SHOC1: variants seen among roughly 807,000 people sequenced by gnomAD.
SHOC1 encodes the protein protein shortage in chiasmata 1 ortholog.
In SHOC1, 136 loss-of-function variants were observed where a neutral mutation model predicts 179.2. The ratio of observed to expected loss-of-function variants is 0.76; its 90% CI spans 0.66 to 0.87. SHOC1 has a LOEUF of 0.87. Ranked by LOEUF, SHOC1 falls within the 40% of genes least tolerant of loss-of-function variation. The pLI is 0.00. For synonymous variants in SHOC1, 489 were observed against 586.6 expected, an observed-to-expected ratio of 0.83 and a Z score of 2.41; for missense variants, 1,538 against 1,700.8, an observed-to-expected ratio of 0.90 and a Z score of 1.68.
At chr9:111,784,940 TG>T (rs1444261172) in intron 3 of SHOC1, among the ~76,000 whole-genome samples, 3 of 152,088 alleles carry the variant, frequency 2.0e-5, no homozygotes, top group Admixed American at 2.0e-4. Context: ...AATATAAATT[TG>T]GGGGGACACA....
At chr9:111,707,809 G>T in intron 19 of SHOC1, 46 bp downstream of exon 19, 1 of 1,305,340 alleles carries the variant, frequency 7.7e-7, no homozygotes, top group Non-Finnish European at 1.1e-6. Context: ...CTTTTCCTGT[G>T]AAACTGGTAC....
intron 5 of SHOC1, among the ~76,000 whole-genome samples, chr9:111,769,977 T>C (rs1047396597): frequency 2.1e-4 from 8 of 37,982 alleles, no homozygotes; most frequent in African/African-American, 5.2e-4. Context: ...TATCTTCTGT[T>C]TTTTTTTTGT....
intron 5 of SHOC1, among the ~76,000 whole-genome samples, chr9:111,767,069 T>C (rs1835386807): frequency 6.6e-6 from 1 of 152,146 alleles, no homozygotes; most frequent in Non-Finnish European, 1.5e-5. Context: ...TTGTGTGAGC[T>C]CCTTGTATAT....
At chr9:111,752,317 T>C (rs979504540) in intron 8 of SHOC1, among the ~76,000 whole-genome samples, 1 of 152,144 alleles carries the variant, frequency 6.6e-6, no homozygotes, top group South Asian at 2.1e-4. Context: ...CTCTGGATGA[T>C]CCCTGAACTA....
At chr9:111,735,827 T>C (rs1480626519) in intron 12 of SHOC1, among the ~76,000 whole-genome samples, 3 of 152,216 alleles carry the variant, frequency 2.0e-5, no homozygotes, top group Non-Finnish European at 1.5e-5. Context: ...TTTCTATTTT[T>C]CCACATCCTC....
intron 2 of SHOC1, among the ~76,000 whole-genome samples, chr9:111,787,068 T>C (rs1480493665): frequency 6.6e-6 from 1 of 152,228 alleles, no homozygotes. Flanking sequence ...TTTAAGCCTA[T>C]TGTTGAGACC....
chr9:111,790,365 G>C (rs1246125630), intron 2 of SHOC1, among the ~76,000 whole-genome samples: 1 of 152,120 alleles, frequency 6.6e-6, no homozygotes, highest in African/African-American at 2.4e-5. Context: ...GTCAATGCAT[G>C]CTATTAGTAT....
At chr9:111,791,555 C>G (rs533011217) in intron 1 of SHOC1, 101 bp from the exon 2 acceptor site, 1 of 438,298 alleles carries the variant, frequency 2.3e-6, no homozygotes, top group African/African-American at 2.0e-5. Context: ...TAAAAAGGCT[C>G]TGAATGATAA....
intron 8 of SHOC1, 53 bp from the exon 9 acceptor site, chr9:111,748,252 T>A (rs1352812163): frequency 3.9e-6 from 5 of 1,280,600 alleles, no homozygotes; most frequent in Non-Finnish European, 5.6e-6. Context: ...ATTAATTTTC[T>A]GTAACCTTGT....
At chr9:111,769,975 G>GTTTGTTTTTTTTTTTTTTTTTC (rs1564161086) in intron 5 of SHOC1, among the ~76,000 whole-genome samples, 1 of 87,806 alleles carries the variant, frequency 1.1e-5, no homozygotes, top group Non-Finnish European at 2.2e-5. Context: ...TTTATCTTCT[G>GTTTGTTTTTTTTTTTTTTTTTC]TTTTTTTTTT....
At position 111,691,821 on chromosome 9, in the gene SHOC1, A is replaced by T. The variant is rs1430420415; in HGVS notation, c.4156T>A (p.Leu1386Met). The T allele has an allele frequency of 1.2e-6, 2 of 1,613,778 alleles. No individual in the cohort carries two copies. The highest frequency in any genetic ancestry group is 1.7e-6 in the Non-Finnish European group (2 of 1,179,946). ...AATAAATTACCTTTCTGAGAGTACA[A>T]TTTGTTACATGCAGTCTGCTGTGCA... is the stretch of plus-strand genomic sequence containing the variant. The part of the protein sequence containing the change: ...YGAQQTACNK[L>M]YSQKGNLFTD... The change falls in exon 27 of 28, where the codon TTG becomes ATG. Residue 1386 changes from leucine (L) to methionine (M), a missense_variant. Physicochemically the swap from Leu to Met is conservative, Grantham distance 15 (BLOSUM62 2). Coordinates refer to ENST00000682961, the MANE Select transcript of SHOC1 (RefSeq NM_001378211.1).
intron 12 of SHOC1, 107 bp downstream of exon 12, chr9:111,738,173 A>C (rs1833888223): frequency 1.0e-6 from 1 of 992,614 alleles, no homozygotes; most frequent in Admixed American, 2.7e-5. Context: ...CCTATATGGA[A>C]TGCTAGAACC....
intron 12 of SHOC1, among the ~76,000 whole-genome samples, chr9:111,731,047 TCAA>T (rs1394020172): frequency 6.6e-6 from 1 of 152,230 alleles, no homozygotes; most frequent in East Asian, 1.9e-4. Flanking sequence ...TCTGTTAGCT[TCAA>T]ACTTCTGTAG....
intron 12 of SHOC1, among the ~76,000 whole-genome samples, chr9:111,732,442 G>A (rs1833617686): frequency 1.3e-5 from 2 of 151,962 alleles, no homozygotes; most frequent in African/African-American, 4.8e-5. Context: ...GAAATAACAT[G>A]TTTCCACAAA....
intron 8 of SHOC1, among the ~76,000 whole-genome samples, chr9:111,748,793 CCCCTT>C (rs1834420233): frequency 2.1e-5 from 2 of 97,542 alleles, no homozygotes; most frequent in Non-Finnish European, 4.3e-5. Context: ...CTCCCCTCCC[CCCCTT>C]CCTTCCTTCC....
rs1564161086 is a variant in SHOC1 at position 111,769,975 on chromosome 9, G to GTTTGTTTTTTTTTTTTTTTTT, written c.442+5815_442+5816insAAAAAAAAAAAAAAAAACAAA. Among the ~76,000 whole-genome samples the GTTTGTTTTTTTTTTTTTTTTT allele has an allele frequency of 1.4e-4, 12 of 87,802 alleles. 4 individuals carry two copies. The highest frequency in any genetic ancestry group is 4.3e-4 in the African/African-American group (8 of 18,792). The allele number at this position is 87,802 out of a possible 152,430, so 57.6% of individuals were successfully genotyped here. On this transcript the variant is annotated intron_variant, in intron 5 of 27. Transcript: ENST00000682961. ...AATCTAGCGAAAGGTTTTATCTTCT[G>GTTTGTTTTTTTTTTTTTTTTT]TTTTTTTTTTGTTTTTTTTTTTTTT...
intron 14 of SHOC1, 90 bp from the exon 15 acceptor site, chr9:111,722,675 C>A: frequency 3.0e-6 from 3 of 992,386 alleles, no homozygotes; most frequent in Non-Finnish European, 2.9e-6. Context: ...CGTGGAGATC[C>A]GAACTTCTAT....
chr9:111,738,590 A>C, intron 11 of SHOC1, 68 bp from the exon 12 acceptor site: 1 of 1,320,794 alleles, frequency 7.6e-7, no homozygotes, highest in Non-Finnish European at 9.9e-7. Flanking sequence ...AACACAATAA[A>C]CAGAACCACA....
chr9:111,686,926 G>A (rs1261887827), intron 27 of SHOC1, 56 bp from the exon 28 acceptor site: 1 of 958,872 alleles, frequency 1.0e-6, no homozygotes, highest in Non-Finnish European at 1.5e-6. Context: ...TAAAGTATAG[G>A]TTTTTTCTTT....
Sources: allele counts gnomAD v4.1 joint callset (sites outside exome capture counted in the v4.1 genomes callset), GRCh38; gene constraint gnomAD v4.1.1; transcripts MANE v1.5; gene names NCBI Gene and HGNC (gene_info 2026-07-23, HGNC 2026-07-21).